The following TTC29 variants were observed in gnomAD, a reference collection of about 807,000 sequenced individuals.
TTC29 encodes the protein tetratricopeptide repeat protein 29.
Under a neutral mutation model 58.1 loss-of-function variants are expected in TTC29, and 49 were observed. The ratio of observed to expected loss-of-function variants is 0.84; its 90% confidence interval spans 0.67 to 1.07. The LOEUF (loss-of-function observed/expected upper bound fraction) is 1.07, where lower values mean the gene tolerates loss of function less well. Among genes scored for constraint, TTC29 ranks in the 50% least tolerant of loss-of-function variants. The probability of loss-of-function intolerance (pLI) is 0.00; values close to 1 mark genes in which losing one functional copy is unlikely to be tolerated. For missense variants in TTC29, 582 were observed against 555.6 expected, an observed-to-expected ratio of 1.05 and a Z score of -0.48; for synonymous variants, 209 against 196.8, an observed-to-expected ratio of 1.06 and a Z score of -0.52.
rs548796860 is a variant in TTC29, at chr4:146,882,367, T to A, written c.587-7439A>T. Among the ~76,000 whole-genome samples, 5 of 152,240 alleles carry A rather than the reference T, an allele frequency of 3.3e-5. No homozygotes were observed. The South Asian group carries it at 1.0e-3, about 32-fold the overall frequency. On this transcript the variant is annotated intron_variant, in intron 6 of 12. Coordinates refer to ENST00000325106, the MANE Select transcript of TTC29 (RefSeq NM_031956.4). ...TATCAAAGTTACTCAAAAAATTTAT[T>A]GAAAAATGTAACGTGTATAATGTAT...
At chr4:146,943,169 CTTTTTTTTTTTTTTT>C (rs61184684) in intron 2 of TTC29, among the ~76,000 whole-genome samples, 2 of 59,472 alleles carry the variant, frequency 3.4e-5, no homozygotes, top group Non-Finnish European at 7.3e-5. Context: ...ATCAACTGTG[CTTTTTTTTTTTTTTT>C]TTTTTTTTTT....
intron 11 of TTC29, among the ~76,000 whole-genome samples, chr4:146,738,097 T>C (rs1470900503): frequency 6.6e-6 from 1 of 152,142 alleles, no homozygotes; most frequent in Non-Finnish European, 1.5e-5. Context: ...TGAATGGAAA[T>C]GGACTGAGCG....
At chr4:146,793,539 C>A (rs1749621113) in intron 11 of TTC29, among the ~76,000 whole-genome samples, 1 of 151,986 alleles carries the variant, frequency 6.6e-6, no homozygotes, top group Admixed American at 6.6e-5. Context: ...GTAAGCATAA[C>A]TTTTATATGT....
chr4:146,759,066 A>G (rs1340506817), intron 11 of TTC29, among the ~76,000 whole-genome samples: 1 of 152,070 alleles, frequency 6.6e-6, no homozygotes, highest in Admixed American at 6.6e-5. Context: ...CTTTTAAAAG[A>G]TAAGATTGGT....
chr4:146,879,924 A>G (rs965766410), intron 6 of TTC29, among the ~76,000 whole-genome samples: 2 of 152,176 alleles, frequency 1.3e-5, no homozygotes, highest in African/African-American at 4.8e-5. Context: ...ATCATGGTGC[A>G]CCAGGAATCA....
At chr4:146,783,127 T>C (rs1748743422) in intron 11 of TTC29, among the ~76,000 whole-genome samples, 1 of 152,094 alleles carries the variant, frequency 6.6e-6, no homozygotes, top group African/African-American at 2.4e-5. Flanking sequence ...TAATTGTATA[T>C]ATTTATGGTG....
At chr4:146,750,198 G>A (rs567620534) in intron 11 of TTC29, among the ~76,000 whole-genome samples, 4 of 152,024 alleles carry the variant, frequency 2.6e-5, no homozygotes, top group African/African-American at 4.8e-5. Context: ...TAGCAGAGAC[G>A]GGGTTTCGCG....
chr4:146,717,278 T>C (rs577367601), intron 11 of TTC29, among the ~76,000 whole-genome samples: 2 of 152,052 alleles, frequency 1.3e-5, no homozygotes, highest in Non-Finnish European at 2.9e-5. Context: ...GTTATTATTA[T>C]TAGTAGTAGT....
At chr4:146,829,552 G>C (rs1728028828) in intron 9 of TTC29, among the ~76,000 whole-genome samples, 1 of 152,156 alleles carries the variant, frequency 6.6e-6, no homozygotes, top group Non-Finnish European at 1.5e-5. Context: ...TGAATTAATA[G>C]ATATGTTTTG....
chr4:146,851,159 T>C (rs1579828094), intron 8 of TTC29, among the ~76,000 whole-genome samples: 1 of 152,212 alleles, frequency 6.6e-6, no homozygotes, highest in Non-Finnish European at 1.5e-5. Flanking sequence ...CTAACATTTA[T>C]TGAGGAAGTA....
At chr4:146,876,033 C>A (rs1383934025) in intron 6 of TTC29, among the ~76,000 whole-genome samples, 1 of 152,146 alleles carries the variant, frequency 6.6e-6, no homozygotes, top group African/African-American at 2.4e-5. Flanking sequence ...GCACTCCAAC[C>A]ATAGTGGTTA....
At chr4:146,755,905 T>A (rs1484389196) in intron 11 of TTC29, among the ~76,000 whole-genome samples, 1 of 152,074 alleles carries the variant, frequency 6.6e-6, no homozygotes, top group African/African-American at 2.4e-5. Flanking sequence ...TAAACATGTA[T>A]CTCAACCTAT....
intron 4 of TTC29, among the ~76,000 whole-genome samples, chr4:146,914,499 A>G (rs768561764): frequency 1.4e-4 from 21 of 152,308 alleles, no homozygotes; most frequent in Non-Finnish European, 2.4e-4. Context: ...GGATGAAAAT[A>G]GAGAATGCTG....
chr4:146,762,832 T>A (rs188829358), intron 11 of TTC29, among the ~76,000 whole-genome samples: 15 of 152,162 alleles, frequency 9.9e-5, no homozygotes, highest in Non-Finnish European at 1.9e-4. Context: ...TTTATTTATT[T>A]CAAAAAAAGT....
At chr4:146,901,502 C>G (rs899966175) in intron 6 of TTC29, among the ~76,000 whole-genome samples, 1 of 152,204 alleles carries the variant, frequency 6.6e-6, no homozygotes, top group Non-Finnish European at 1.5e-5. Context: ...GGCCTACAAG[C>G]CCCAGTGTGA....
rs942994413 is a variant in TTC29, at chr4:146,778,482, T to C, written c.1330+24975A>G. 2.4e-4 allele frequency among the ~76,000 whole-genome samples: 36 copies of C among 152,158 alleles called. 1 individual carries two copies. The highest frequency in any genetic ancestry group is 2.2e-3 in the Admixed American group (34 of 15,266). The stretch of plus-strand genomic sequence containing the variant: ...CATGGTCTGTATGATATCAATCCTA[T>C]AGATTCTGTCAAGGATCGTTTCATG... On this transcript the variant is annotated intron_variant, in intron 11 of 12. Transcript: ENST00000325106.
chr4:146,903,408 G>A (rs1251031244), intron 6 of TTC29, 136 bp downstream of exon 6: 1 of 692,066 alleles, frequency 1.4e-6, no homozygotes, highest in African/African-American at 1.9e-5. Flanking sequence ...ACATGGTTTT[G>A]CTTTTTGATC....
intron 11 of TTC29, among the ~76,000 whole-genome samples, chr4:146,740,567 T>C (rs938309040): frequency 1.3e-5 from 2 of 152,122 alleles, no homozygotes; most frequent in Non-Finnish European, 2.9e-5. Flanking sequence ...AGAAACAGTA[T>C]TCAGTGAACA....
intron 4 of TTC29, among the ~76,000 whole-genome samples, chr4:146,926,384 A>C (rs940767212): frequency 2.0e-5 from 3 of 152,200 alleles, no homozygotes; most frequent in African/African-American, 7.2e-5. Flanking sequence ...TAGTAATTCC[A>C]GTGGGGAGCA....
Sources: allele counts gnomAD v4.1 joint callset (sites outside exome capture counted in the v4.1 genomes callset), GRCh38; gene constraint gnomAD v4.1.1; transcripts MANE v1.5; gene names NCBI Gene and HGNC (gene_info 2026-07-23, HGNC 2026-07-21).